MAP3K4: variants seen among roughly 807,000 people sequenced by gnomAD.
The protein encoded by MAP3K4 is mitogen-activated protein kinase kinase kinase 4, also known as MAP three kinase 1.
MAP3K4 carries 67 observed loss-of-function variants against 185.6 expected under a neutral mutation model. The observed-to-expected ratio is 0.36, with a 90% CI of 0.30 to 0.44. The LOEUF (loss-of-function observed/expected upper bound fraction) is 0.44. MAP3K4 is among the 20% of genes least tolerant of loss of function. The probability of loss-of-function intolerance (pLI) is 1.00; values close to 1 mark genes in which losing one functional copy is unlikely to be tolerated. For missense variants in MAP3K4, 1,551 were observed against 1,995.1 expected, an observed-to-expected ratio of 0.78 and a Z score of 4.24; for synonymous variants, 702 against 710.4, an observed-to-expected ratio of 0.99 and a Z score of 0.19.
chr6:161,000,626 T>G (rs944476680), intron 1 of MAP3K4, among the ~76,000 whole-genome samples: 14 of 152,158 alleles, frequency 9.2e-5, no homozygotes, highest in African/African-American at 3.4e-4. Context: ...CAGTAACCTG[T>G]GTTTAAAATT....
At position 160,996,797 on chromosome 6, in the gene MAP3K4, T is replaced by C. The variant is rs1781016392; in HGVS notation, c.152+4714T>C. On this transcript the variant is annotated intron_variant, in intron 1 of 26. Coordinates refer to ENST00000392142, the MANE Select transcript of MAP3K4 (RefSeq NM_005922.4). The surrounding 1 kb of genome is among the most constrained non-coding windows in gnomAD (Gnocchi z 4.5). ...CTGTACACCTGGTTAGTCAGTGTAT[T>C]CTCTTGCTTGTAGAAAGCCAAAGTA... 6.6e-6 allele frequency among the ~76,000 whole-genome samples: 1 copy of C among 152,208 alleles called. No individual in the cohort carries two copies. The highest frequency in any genetic ancestry group is 1.5e-5 in the Non-Finnish European group (1 of 68,038).
chr6:161,102,921 T>C lies in MAP3K4; in HGVS notation c.3856+142T>C, dbSNP rs1174074016. 9 of 587,314 alleles carry C rather than the reference T, an allele frequency of 1.5e-5. No individual in the cohort carries two copies. The Admixed American group carries it at 3.2e-4, about 21-fold the overall frequency. 36.4% of individuals were successfully genotyped at this position (587,314 alleles called of 1,614,324 possible). On this transcript the variant is annotated intron_variant, in intron 19 of 26. Transcript: ENST00000392142. ...TTACTATTTTGTGATCTCACAGCTCTGACATCACTTTCTATCATGTACTGT... is the reference window on the plus strand; with the variant it reads ...TTACTATTTTGTGATCTCACAGCTCCGACATCACTTTCTATCATGTACTGT...
In MAP3K4 at chr6:161,049,270, A is replaced by T; in HGVS notation, c.998A>T (p.Lys333Met). Reference sequence around the variant, plus strand: ...CAGTGCAAAGCCACTCCTGGAACAAAGATTGTAGGTTACTCAACACATCAT... The same window carrying T: ...CAGTGCAAAGCCACTCCTGGAACAATGATTGTAGGTTACTCAACACATCAT... ...EGQCKATPGT[K>M]IVGYSTHHEH... The change falls in exon 3 of 27, where the codon AAG (lysine) becomes ATG (methionine). Residue 333 changes from lysine (K) to methionine (M), a missense_variant. Coordinates refer to ENST00000392142, the MANE Select transcript of MAP3K4 (RefSeq NM_005922.4). This position sits in a 1 kb window ranked among gnomAD's most constrained non-coding sequence, Gnocchi z 8.4. 6.2e-7 allele frequency: 1 copy of T among 1,614,168 alleles called. No homozygotes were observed. The highest frequency in any genetic ancestry group is 8.5e-7 in the Non-Finnish European group (1 of 1,180,010).
In MAP3K4 at chr6:161,115,341, T is replaced by G; in HGVS notation, c.4806+39T>G. The G allele has an allele frequency of 6.4e-7, 1 of 1,560,784 alleles. No individual in the cohort carries two copies. Among genetic ancestry groups the G allele is most frequent in the Non-Finnish European group, 8.7e-7 (1 of 1,148,136 alleles). ...CTGGATAGTCTTTTTCATGTTTAAG[T>G]GTTTAAGTTCTGTTTTGCATCAAGA... On this transcript the variant is annotated intron_variant, in intron 26 of 26. Transcript: ENST00000392142. This position sits in a 1 kb window ranked among gnomAD's most constrained non-coding sequence, Gnocchi z 6.0.
At chr6:161,092,850 C>G in intron 13 of MAP3K4, 128 bp from the exon 14 acceptor site, 1 of 519,896 alleles carries the variant, frequency 1.9e-6, no homozygotes, top group Non-Finnish European at 3.5e-6. Flanking sequence ...TTACTGAACC[C>G]AAGCAAAAAA....
intron 1 of MAP3K4, among the ~76,000 whole-genome samples, chr6:161,018,257 T>G (rs1255198812): frequency 6.6e-6 from 1 of 151,986 alleles, no homozygotes; most frequent in East Asian, 1.9e-4. Flanking sequence ...TCCAGAAAAT[T>G]TATATAAGGC....
At chr6:161,058,569 T>A (rs1774023821) in intron 3 of MAP3K4, among the ~76,000 whole-genome samples, 2 of 152,222 alleles carry the variant, frequency 1.3e-5, no homozygotes. Context: ...GAAGTCCCTG[T>A]CCTCTGTCAC....
intron 1 of MAP3K4, among the ~76,000 whole-genome samples, chr6:161,025,230 C>G (rs1376043690): frequency 2.0e-5 from 3 of 152,230 alleles, no homozygotes; most frequent in African/African-American, 7.2e-5. Flanking sequence ...TCAGCTCAGG[C>G]TTATACTGCA....
Position 161,106,616 on chromosome 6 carries a change from A to G in MAP3K4, c.3959A>G (p.Gln1320Arg). The change falls in exon 20 of 27, where the codon CAA becomes CGA. Residue 1320 changes from glutamine to arginine, a missense_variant. Coordinates refer to ENST00000392142, the MANE Select transcript of MAP3K4 (RefSeq NM_005922.4). This position sits in a 1 kb window ranked among gnomAD's most constrained non-coding sequence, Gnocchi z 4.9. ...ATGAGGAGAAAGAATATCATTGGTC[A>G]AGTTTGTGATACGCCTAAGTCCTAT... is the stretch of plus-strand genomic sequence containing the variant. Reference protein sequence around the residue: ...REMRRKNIIGQVCDTPKSYDN... With the variant: ...REMRRKNIIGRVCDTPKSYDN... 6.2e-7 allele frequency: 1 copy of G among 1,614,110 alleles called. No homozygotes were observed. The highest frequency in any genetic ancestry group is 1.1e-5 in the South Asian group (1 of 91,070).
intron 1 of MAP3K4, among the ~76,000 whole-genome samples, chr6:161,004,888 T>TA (rs1278561935): frequency 4.0e-4 from 61 of 152,274 alleles, no homozygotes; most frequent in African/African-American, 1.4e-3. Flanking sequence ...AAGAATAACT[T>TA]TTACAGTCTA....
chr6:161,111,815 A>G (rs1778362632), intron 23 of MAP3K4, 21 bp from the exon 24 acceptor site: 1 of 1,508,430 alleles, frequency 6.6e-7, no homozygotes, highest in African/African-American at 2.1e-5. Context: ...GCTGCGTAAC[A>G]ACTACTTCTT....
At chr6:161,012,224 A>T (rs1781882350) in intron 1 of MAP3K4, among the ~76,000 whole-genome samples, 1 of 152,140 alleles carries the variant, frequency 6.6e-6, no homozygotes, top group Non-Finnish European at 1.5e-5. Context: ...TTCACTGAAC[A>T]TCTTCCTAGT....
Position 161,051,225 on chromosome 6 carries a change from G to C in MAP3K4, c.1707+1246G>C, listed in dbSNP as rs1342759182. ...TATGGAGAGCCAACTGTATATACTT[G>C]TTATTTTTATTTTTTTAACTTCATT... is the stretch of plus-strand genomic sequence containing the variant. On this transcript the variant is annotated intron_variant, in intron 3 of 26. Transcript: ENST00000392142. The surrounding 1 kb of genome is among the most constrained non-coding windows in gnomAD (Gnocchi z 4.2). Among the ~76,000 whole-genome samples the C allele has an allele frequency of 6.6e-6, 1 of 151,932 alleles. No homozygotes were observed. Among genetic ancestry groups the C allele is most frequent in the Non-Finnish European group, 1.5e-5 (1 of 67,964 alleles).
intron 18 of MAP3K4, 61 bp downstream of exon 18, chr6:161,102,053 C>A: frequency 7.2e-7 from 1 of 1,383,370 alleles, no homozygotes; most frequent in Non-Finnish European, 1.0e-6. Flanking sequence ...CTCAGTTCAC[C>A]AGTTTCTGTT....
rs1017830134 is a variant in MAP3K4 at position 161,071,196 on chromosome 6, G to A, written c.1950+346G>A. On this transcript the variant is annotated intron_variant, in intron 4 of 26. Coordinates refer to ENST00000392142, the MANE Select transcript of MAP3K4 (RefSeq NM_005922.4). The surrounding 1 kb of genome is among the most constrained non-coding windows in gnomAD (Gnocchi z 4.6). ...TTTCTATTTGAAGTACATGTAAACA[G>A]ATAAATGTCTAGAATAGGCATGGGG... is the stretch of plus-strand genomic sequence containing the variant. Among the ~76,000 whole-genome samples, 1 of 152,116 alleles carries A rather than the reference G, an allele frequency of 6.6e-6. No individual in the cohort carries two copies. The highest frequency in any genetic ancestry group is 6.5e-5 in the Admixed American group (1 of 15,270).
In MAP3K4 at chr6:161,112,360, A is replaced by G. The variant is rs1321829553; in HGVS notation, c.4520-308A>G. On this transcript the variant is annotated intron_variant, in intron 24 of 26. Transcript: ENST00000392142. This position sits in a 1 kb window ranked among gnomAD's most constrained non-coding sequence, Gnocchi z 5.1. Reference sequence around the variant, plus strand: ...TAAACAACACTATGATTAAATGGTAATGATTCGTTTTGATCACTTAGTGCC... The same window carrying G: ...TAAACAACACTATGATTAAATGGTAGTGATTCGTTTTGATCACTTAGTGCC... Among the ~76,000 whole-genome samples the G allele has an allele frequency of 2.0e-5, 3 of 152,176 alleles. No individual in the cohort carries two copies. Among genetic ancestry groups the G allele is most frequent in the Non-Finnish European group, 2.9e-5 (2 of 68,032 alleles).
chr6:161,084,370 G>A lies in MAP3K4; in HGVS notation c.2256-131G>A. 1 of 592,966 alleles carries A rather than the reference G, an allele frequency of 1.7e-6. No homozygotes were observed. 36.7% of individuals were successfully genotyped at this position (592,966 alleles called of 1,614,324 possible). A position where few individuals can be genotyped will look rare whatever the true frequency, so the allele number is the denominator to read the frequency against. ...CGTCCAGGGTTTTATATTAAAAGAAGAGAAATTTTTCATTTTTGATTTTTA... is the reference window on the plus strand; with the variant it reads ...CGTCCAGGGTTTTATATTAAAAGAAAAGAAATTTTTCATTTTTGATTTTTA... On this transcript the variant is annotated intron_variant, in intron 6 of 26. Transcript: ENST00000392142. The surrounding 1 kb of genome is among the most constrained non-coding windows in gnomAD (Gnocchi z 4.6).
At position 160,995,064 on chromosome 6, in the gene MAP3K4, G is replaced by A. The variant is rs367982396; in HGVS notation, c.152+2981G>A. Among the ~76,000 whole-genome samples, 82 of 152,256 alleles carry A rather than the reference G, an allele frequency of 5.4e-4. No homozygotes were observed. The South Asian group carries it at 0.017, about 31-fold the overall frequency. ...GTACTAGTTTACATTCCCACCAGCA[G>A]TGTATAAGAGTTCCCTTCTCACCAC... is the stretch of plus-strand genomic sequence containing the variant. On this transcript the variant is annotated intron_variant, in intron 1 of 26. Coordinates refer to ENST00000392142, the MANE Select transcript of MAP3K4 (RefSeq NM_005922.4).
rs1026161679 is a variant in MAP3K4, at chr6:161,063,537, T to C, written c.1708-7071T>C. On this transcript the variant is annotated intron_variant, in intron 3 of 26. Coordinates refer to ENST00000392142, the MANE Select transcript of MAP3K4 (RefSeq NM_005922.4). This position sits in a 1 kb window ranked among gnomAD's most constrained non-coding sequence, Gnocchi z 5.4. ...AAGTTTCAAACCATCTTCTCTGTTA[T>C]TGTTTGAGGTCTGTGGACTGTTCTT... is the stretch of plus-strand genomic sequence containing the variant. Among the ~76,000 whole-genome samples, 7 of 152,168 alleles carry C rather than the reference T, an allele frequency of 4.6e-5. No individual in the cohort carries two copies. Among genetic ancestry groups the C allele is most frequent in the African/African-American group, 1.7e-4 (7 of 41,442 alleles).
Sources: gnomAD v4.1 joint callset for allele counts (sites outside exome capture counted in the v4.1 genomes callset) on GRCh38, gnomAD v4.1.1 for gene constraint, Gnocchi (gnomAD v3.1) non-coding constraint, MANE v1.5 for transcripts, NCBI Gene and HGNC (gene_info 2026-07-23, HGNC 2026-07-21) for gene names.